Variants in MAP2K2 observed in about 807,000 individuals in gnomAD.
The protein encoded by MAP2K2 is dual specificity mitogen-activated protein kinase kinase 2.
Under a neutral mutation model 43.7 loss-of-function variants are expected in MAP2K2, and 24 were observed. The ratio of observed to expected loss-of-function variants is 0.55; its 90% confidence interval spans 0.40 to 0.77. The LOEUF is 0.77. Ranked by LOEUF, MAP2K2 falls within the 30% of genes least tolerant of loss-of-function variation. The pLI, the probability that MAP2K2 is intolerant of heterozygous loss-of-function variation, is 0.00. For missense variants in MAP2K2, 470 were observed against 566.8 expected (o/e 0.83, Z 1.73); for synonymous variants, 244 against 239.7 (o/e 1.02, Z -0.17).
intron 2 of MAP2K2, among the ~76,000 whole-genome samples, chr19:4,116,959 T>A (rs1157955642): frequency 1.3e-5 from 2 of 152,048 alleles, no homozygotes; most frequent in African/African-American, 4.8e-5. Flanking sequence ...AAAATAAACA[T>A]ACAGAAGGCA....
In MAP2K2 at chr19:4,101,489, C is replaced by T. The variant is rs1258658974; in HGVS notation, c.529-209G>A. ...CCCTGTGCTGGCGTGTGCAAGTCAA[C>T]CCCGGTTCCCATGGCCGCAGTGCCG... On this transcript the variant is annotated intron_variant, in intron 4 of 10. Coordinates refer to ENST00000262948, the MANE Select transcript of MAP2K2 (RefSeq NM_030662.4). The surrounding 1 kb of genome is among the most constrained non-coding windows in gnomAD (Gnocchi z 6.3). Among the ~76,000 whole-genome samples, 1 of 152,202 alleles carries T rather than the reference C, an allele frequency of 6.6e-6. No individual in the cohort carries two copies. Among genetic ancestry groups the T allele is most frequent in the African/African-American group, 2.4e-5 (1 of 41,442 alleles).
Position 4,117,460 on chromosome 19 carries a change from T to C in MAP2K2, c.262A>G (p.Lys88Glu), listed in dbSNP as rs2041237471. 1 of 1,613,924 alleles carries C rather than the reference T, an allele frequency of 6.2e-7. No individual in the cohort carries two copies. Among genetic ancestry groups the C allele is most frequent in the African/African-American group, 1.3e-5 (1 of 74,942 alleles). The change falls in exon 2 of 11, where the codon AAA (lysine) becomes GAA (glutamate). Residue 88 changes from lysine (K) to glutamate (E), a missense_variant. Coordinates refer to ENST00000262948, the MANE Select transcript of MAP2K2 (RefSeq NM_030662.4). ...LGAGNGGVVTKVQHRPSGLIM... is the reference protein window; with the variant it reads ...LGAGNGGVVTEVQHRPSGLIM... ...AGGCCCGAGGGTCTGTGCTGGACTTTGGTGACCACCCCGCCGTTGCCCGCG... is the reference window on the plus strand; with the variant it reads ...AGGCCCGAGGGTCTGTGCTGGACTTCGGTGACCACCCCGCCGTTGCCCGCG...
chr19:4,111,932 G>T (rs1442932646), intron 2 of MAP2K2, among the ~76,000 whole-genome samples: 1 of 152,010 alleles, frequency 6.6e-6, no homozygotes, highest in East Asian at 1.9e-4. Flanking sequence ...CAGCCTGGGG[G>T]ACAAGAGCGA....
intron 10 of MAP2K2, among the ~76,000 whole-genome samples, chr19:4,091,873 T>C (rs1365588939): frequency 6.6e-6 from 1 of 152,146 alleles, no homozygotes; most frequent in East Asian, 1.9e-4. Context: ...GGTCTCGAAA[T>C]CCTGTCCTCA....
chr19:4,102,666 C>A (rs1350567975), intron 3 of MAP2K2: 8 of 1,013,258 alleles, frequency 7.9e-6, no homozygotes, highest in Non-Finnish European at 1.1e-5. Flanking sequence ...AGGAACAGGG[C>A]CCAGGGTTCC....
At position 4,113,556 on chromosome 19, in the gene MAP2K2, C is replaced by T. The variant is rs1242752484; in HGVS notation, c.304-2901G>A. 2.0e-5 allele frequency among the ~76,000 whole-genome samples: 3 copies of T among 152,148 alleles called. No homozygotes were observed. The East Asian group carries it at 5.8e-4, about 29-fold the overall frequency. Reference sequence around the variant, plus strand: ...GGTTCGGAGCCTCGGAGCCATGTTCCCAGTGGCATTAGCTGCTAAGTCAGG... The same window carrying T: ...GGTTCGGAGCCTCGGAGCCATGTTCTCAGTGGCATTAGCTGCTAAGTCAGG... On this transcript the variant is annotated intron_variant, in intron 2 of 10. Coordinates refer to ENST00000262948, the MANE Select transcript of MAP2K2 (RefSeq NM_030662.4).
chr19:4,093,464 G>T (rs1477867936), intron 10 of MAP2K2, among the ~76,000 whole-genome samples: 1 of 152,122 alleles, frequency 6.6e-6, no homozygotes, highest in Non-Finnish European at 1.5e-5. Context: ...GCTGAGGCAG[G>T]TGGATCACCT....
intron 3 of MAP2K2, chr19:4,102,768 G>A (rs375017399): frequency 6.4e-5 from 81 of 1,273,812 alleles, no homozygotes; most frequent in African/African-American, 1.8e-4. Flanking sequence ...AGCCCAAGCC[G>A]CGGCCGGGGG....
chr19:4,092,416 C>G (rs1417016525), intron 10 of MAP2K2, among the ~76,000 whole-genome samples: 1 of 152,054 alleles, frequency 6.6e-6, no homozygotes, highest in Non-Finnish European at 1.5e-5. Context: ...TGGTGAAACC[C>G]CATCTCTACT....
intron 9 of MAP2K2, chr19:4,094,827 C>G (rs1020416410): frequency 1.1e-5 from 5 of 442,686 alleles, no homozygotes; most frequent in African/African-American, 7.8e-5. Context: ...GCAACATCGC[C>G]GGAGCGCACG....
At chr19:4,093,573 C>G (rs574823028) in intron 10 of MAP2K2, among the ~76,000 whole-genome samples, 79 of 151,916 alleles carry the variant, frequency 5.2e-4, no homozygotes, top group African/African-American at 1.2e-3. Flanking sequence ...TGCCTGTAAT[C>G]GTAGCTACCT....
chr19:4,091,394 C>T (rs1568248111), intron 10 of MAP2K2, among the ~76,000 whole-genome samples: 1 of 151,982 alleles, frequency 6.6e-6, no homozygotes, highest in Non-Finnish European at 1.5e-5. Context: ...CTCTTGTTGC[C>T]CAGGCTGGAG....
intron 3 of MAP2K2, among the ~76,000 whole-genome samples, chr19:4,107,351 C>T (rs1039013044): frequency 3.3e-5 from 5 of 151,658 alleles, no homozygotes; most frequent in Admixed American, 1.3e-4. Context: ...AGCGAAACCC[C>T]GTCTCTACTA....
chr19:4,118,955 T>C (rs1314707939), intron 1 of MAP2K2, among the ~76,000 whole-genome samples: 1 of 152,196 alleles, frequency 6.6e-6, no homozygotes, highest in Non-Finnish European at 1.5e-5. Flanking sequence ...AGGAACCCAT[T>C]GCTGTGCACA....
Position 4,094,452 on chromosome 19 carries a change from C to A in MAP2K2, c.1092+1G>T. The A allele has an allele frequency of 6.4e-7, 1 of 1,562,690 alleles. No individual in the cohort carries two copies. ...TCCCAGAACCCGCTGGCATCACTCA[C>A]TGTGAGCATCTTCAGGTCCGCCCGC... On this transcript the variant is annotated splice_donor_variant, in intron 10 of 10. Coordinates refer to ENST00000262948, the MANE Select transcript of MAP2K2 (RefSeq NM_030662.4). LOFTEE classifies it high-confidence loss of function.
At chr19:4,100,854 C>T (rs964637008) in intron 6 of MAP2K2, 165 bp downstream of exon 6, 31 of 788,554 alleles carry the variant, frequency 3.9e-5, no homozygotes, top group East Asian at 2.2e-4. Context: ...GGGAAAGCCT[C>T]GTGGGAGGCG....
chr19:4,101,972 C>T lies in MAP2K2; in HGVS notation c.528+404G>A, dbSNP rs1406258540. On this transcript the variant is annotated intron_variant, in intron 4 of 10. Transcript: ENST00000262948. This position sits in a 1 kb window ranked among gnomAD's most constrained non-coding sequence, Gnocchi z 6.3. ...ACCGGGCAGCAGAGACGCCCTTGGC[C>T]CCGGTGACATTTCTAACAGCAATGG... 6.6e-6 allele frequency among the ~76,000 whole-genome samples: 1 copy of T among 152,116 alleles called. No homozygotes were observed. The highest frequency in any genetic ancestry group is 1.5e-5 in the Non-Finnish European group (1 of 68,018).
Position 4,101,197 on chromosome 19 carries a change from C to T in MAP2K2, c.580+32G>A, listed in dbSNP as rs545568509. 242 of 1,016,106 alleles carry T rather than the reference C, an allele frequency of 2.4e-4. 1 individual carries two copies. Among genetic ancestry groups the T allele is most frequent in the South Asian group, 1.8e-3 (140 of 77,242 alleles). 62.9% of individuals were successfully genotyped at this position (1,016,106 alleles called of 1,614,324 possible). ...CGCCCAACAGTTGCCTGCCGGCCCCCGGGGCTCTGGGGAGGGCGGGCTGGG... is the reference window on the plus strand; with the variant it reads ...CGCCCAACAGTTGCCTGCCGGCCCCTGGGGCTCTGGGGAGGGCGGGCTGGG... On this transcript the variant is annotated intron_variant, in intron 5 of 10. Transcript: ENST00000262948. The surrounding 1 kb of genome is among the most constrained non-coding windows in gnomAD (Gnocchi z 6.3).
At chr19:4,091,768 C>T (rs1310951994) in intron 10 of MAP2K2, among the ~76,000 whole-genome samples, 1 of 152,170 alleles carries the variant, frequency 6.6e-6, no homozygotes, top group African/African-American at 2.4e-5. Flanking sequence ...CCCGCCTCAG[C>T]CTCCCAAGTA....
Sources: allele counts gnomAD v4.1 joint callset (sites outside exome capture counted in the v4.1 genomes callset), GRCh38; gene constraint gnomAD v4.1.1; non-coding constraint Gnocchi (gnomAD v3.1); transcripts MANE v1.5; gene names NCBI Gene and HGNC (gene_info 2026-07-23, HGNC 2026-07-21).